The following SV2C variants were observed in gnomAD, a reference collection of about 807,000 sequenced individuals.
SV2C encodes the protein synaptic vesicle glycoprotein 2C.
SV2C carries 49 observed loss-of-function variants against 79.7 expected under a neutral mutation model. The observed-to-expected ratio is 0.61, with a 90% CI of 0.49 to 0.78. The LOEUF (loss-of-function observed/expected upper bound fraction) is 0.78, where lower values mean the gene tolerates loss of function less well. SV2C is among the 30% of genes least tolerant of loss of function. SV2C has a pLI of 0.00. For missense variants in SV2C, 833 were observed against 912.9 expected, an observed-to-expected ratio of 0.91 and a Z score of 1.13; for synonymous variants, 334 against 333.2, an observed-to-expected ratio of 1.00 and a Z score of -0.03.
intron 4 of SV2C, among the ~76,000 whole-genome samples, chr5:76,254,092 G>A (rs1448685818): frequency 1.3e-5 from 2 of 151,624 alleles, no homozygotes; most frequent in Non-Finnish European, 2.9e-5. Flanking sequence ...ACCAGCCTGG[G>A]CAACATAGGG....
intron 4 of SV2C, among the ~76,000 whole-genome samples, chr5:76,220,388 A>G (rs1261711169): frequency 1.3e-5 from 2 of 152,040 alleles, no homozygotes; most frequent in Non-Finnish European, 2.9e-5. Flanking sequence ...ATTAGAATTG[A>G]CAGCCGGGTG....
At chr5:76,249,932 T>C (rs1344008495) in intron 4 of SV2C, among the ~76,000 whole-genome samples, 1 of 152,244 alleles carries the variant, frequency 6.6e-6, no homozygotes, top group Non-Finnish European at 1.5e-5. Context: ...ATGAGATTTT[T>C]CCATGGTATT....
At chr5:75,847,842 T>C in the SV2C span, among the ~76,000 whole-genome samples, 1 of 152,156 alleles carries the variant, frequency 6.6e-6, no homozygotes, top group Non-Finnish European at 1.5e-5. Flanking sequence ...TTGCACTCTC[T>C]GAACTCCACC....
the SV2C span, among the ~76,000 whole-genome samples, chr5:75,925,941 CTCTT>C: frequency 6.6e-6 from 1 of 152,048 alleles, no homozygotes; most frequent in Admixed American, 6.6e-5. Context: ...GTTGGACTTT[CTCTT>C]TCTTTGACTC....
the SV2C span, among the ~76,000 whole-genome samples, chr5:75,862,986 T>C: frequency 7.2e-5 from 11 of 152,224 alleles, no homozygotes; most frequent in Non-Finnish European, 2.9e-5. Flanking sequence ...TCAGGCATCA[T>C]CTGTTACCTG....
At chr5:75,882,824 G>A in the SV2C span, among the ~76,000 whole-genome samples, 9 of 150,754 alleles carry the variant, frequency 6.0e-5, no homozygotes, top group South Asian at 1.7e-3. Context: ...GGCAACAAAA[G>A]CCAAAATTGA....
intron 2 of SV2C, among the ~76,000 whole-genome samples, chr5:76,166,751 G>A (rs1379248877): frequency 1.3e-5 from 2 of 152,192 alleles, no homozygotes; most frequent in African/African-American, 2.4e-5. Context: ...GGATTACTCA[G>A]CCTAACACCA....
rs58317002 is a variant in SV2C, at chr5:76,183,030, A to ATCTTTT, written c.581-11888_581-11887insCTTTTT. 2.5e-4 allele frequency among the ~76,000 whole-genome samples: 26 copies of ATCTTTT among 102,060 alleles called. 2 individuals are homozygous for ATCTTTT. Among genetic ancestry groups the ATCTTTT allele is most frequent in the African/African-American group, 3.7e-4 (9 of 24,614 alleles). 67.0% of individuals were successfully genotyped at this position (102,060 alleles called of 152,430 possible). Reference sequence around the variant, plus strand: ...TGACCACATCTCATGAGAACCTACCATTTTTTTTTTTTTTTTTTTTTTTGA... The same window carrying ATCTTTT: ...TGACCACATCTCATGAGAACCTACCATCTTTTTTTTTTTTTTTTTTTTTTTTTTTGA... On this transcript the variant is annotated intron_variant, in intron 2 of 12. Transcript: ENST00000502798.
intron 12 of SV2C, among the ~76,000 whole-genome samples, chr5:76,348,961 T>C (rs1468364955): frequency 6.6e-6 from 1 of 152,052 alleles, no homozygotes; most frequent in Non-Finnish European, 1.5e-5. Flanking sequence ...ACCATACCAC[T>C]GCACTCCAGC....
intron 3 of SV2C, among the ~76,000 whole-genome samples, chr5:76,205,169 ATG>A (rs1025329316): frequency 4.1e-5 from 6 of 145,368 alleles, no homozygotes; most frequent in South Asian, 2.3e-4. Context: ...GTGTGTGTGT[ATG>A]TGTGTGTGTG....
chr5:75,855,095 A>G, the SV2C span, among the ~76,000 whole-genome samples: 1 of 152,102 alleles, frequency 6.6e-6, no homozygotes, highest in Non-Finnish European at 1.5e-5. Flanking sequence ...AACATGGACT[A>G]TTCTATATCT....
At chr5:75,979,997 C>G in the SV2C span, among the ~76,000 whole-genome samples, 1 of 151,966 alleles carries the variant, frequency 6.6e-6, no homozygotes, top group African/African-American at 2.4e-5. Context: ...TAAGAAAAGA[C>G]AGAAGACGCA....
At chr5:76,245,140 A>G (rs1013219483) in intron 4 of SV2C, among the ~76,000 whole-genome samples, 16 of 152,084 alleles carry the variant, frequency 1.1e-4, no homozygotes, top group Admixed American at 2.0e-4. Context: ...CTATGTTTCA[A>G]TTGCTCTCTA....
intron 2 of SV2C, among the ~76,000 whole-genome samples, chr5:76,178,009 A>T (rs939182921): frequency 6.6e-6 from 1 of 152,226 alleles, no homozygotes; most frequent in African/African-American, 2.4e-5. Context: ...GAAGATAAAT[A>T]CATTTTTCAT....
chr5:76,141,145 C>G (rs1007414896), intron 2 of SV2C, among the ~76,000 whole-genome samples: 25 of 152,158 alleles, frequency 1.6e-4, no homozygotes, highest in Non-Finnish European at 3.1e-4. Flanking sequence ...AAGACTCTTC[C>G]ATCCAAAGAG....
the SV2C span, among the ~76,000 whole-genome samples, chr5:75,867,645 T>C: frequency 6.6e-6 from 1 of 152,232 alleles, no homozygotes; most frequent in African/African-American, 2.4e-5. Flanking sequence ...TTATATTTGA[T>C]TCCTGGATGT....
the SV2C span, among the ~76,000 whole-genome samples, chr5:75,883,761 C>A: frequency 6.6e-6 from 1 of 150,702 alleles, no homozygotes; most frequent in Non-Finnish European, 1.5e-5. Context: ...TGGGTGCAGC[C>A]CACCAGCCTG....
At chr5:76,258,000 TG>T (rs776320001) in intron 4 of SV2C, among the ~76,000 whole-genome samples, 2 of 148,064 alleles carry the variant, frequency 1.4e-5, no homozygotes, top group Non-Finnish European at 3.0e-5. Context: ...GTATGTAGTA[TG>T]GGGTGTGTGT....
the SV2C span, among the ~76,000 whole-genome samples, chr5:75,934,164 T>A: frequency 6.6e-6 from 1 of 152,182 alleles, no homozygotes; most frequent in East Asian, 1.9e-4. Flanking sequence ...CAAACCCAGA[T>A]GATCTGATTG....
Sources: allele counts gnomAD v4.1 joint callset (sites outside exome capture counted in the v4.1 genomes callset), GRCh38; gene constraint gnomAD v4.1.1; transcripts MANE v1.5; gene names NCBI Gene and HGNC (gene_info 2026-07-23, HGNC 2026-07-21).